Variants in MAML1 observed in about 807,000 individuals in gnomAD.
The protein encoded by MAML1 is mastermind like transcriptional coactivator 1.
A neutral mutation model predicts 77.1 loss-of-function variants in MAML1; 14 were observed. That is an observed-to-expected ratio of 0.18 (90% CI 0.12 to 0.28). The LOEUF is 0.28. MAML1 is among the 10% of genes least tolerant of loss of function. The pLI is 1.00. For synonymous variants in MAML1, 516 were observed against 551.9 expected, an observed-to-expected ratio of 0.93 and a Z score of 0.91; for missense variants, 1,217 against 1,327.8, an observed-to-expected ratio of 0.92 and a Z score of 1.30.
In MAML1 at chr5:179,738,188, TTC is replaced by T. The variant is rs1222265255; in HGVS notation, c.315+4770_315+4771del. ...TGCCCCATTTGTTATCATTTGCACATTCTCTCTCTCCCACTCTCTGCCTCTTT... is the reference window on the plus strand; with the variant it reads ...TGCCCCATTTGTTATCATTTGCACATTCTCTCTCCCACTCTCTGCCTCTTT... On this transcript the variant is annotated intron_variant, in intron 1 of 4. Transcript: ENST00000292599. Among the ~76,000 whole-genome samples, 4 of 152,026 alleles carry T rather than the reference TTC, an allele frequency of 2.6e-5. No individual in the cohort carries two copies. The East Asian group carries it at 7.7e-4, about 29-fold the overall frequency.
In MAML1 at chr5:179,774,057, A is replaced by G. The variant is rs774534440; in HGVS notation, c.2231A>G (p.Gln744Arg). Residue 744 changes from glutamine (Q) to arginine (R), a missense_variant, in exon 5 of 5, where the codon CAG becomes CGG. Physicochemically the swap from Gln to Arg is conservative, Grantham distance 43. Around this residue, in one of 3 missense-constraint regions of MAML1, gnomAD observed 884 missense variants for 949.3 expected, o/e 0.93. Transcript: ENST00000292599. ...NSGQQDRGVA[Q>R]FPGSQNMPQS... ...GGCCAACAGGACCGGGGTGTGGCTCAGTTCCCTGGCTCCCAAAACATGCCT... is the reference window on the plus strand; with the variant it reads ...GGCCAACAGGACCGGGGTGTGGCTCGGTTCCCTGGCTCCCAAAACATGCCT... The G allele has an allele frequency of 1.2e-5, 19 of 1,614,018 alleles. No individual in the cohort carries two copies. In the Admixed American group the frequency reaches 2.8e-4, roughly 24 times the overall value.
In MAML1 at chr5:179,769,707, C is replaced by A. The variant is rs1405156077; in HGVS notation, c.1971+618C>A. Among the ~76,000 whole-genome samples the A allele has an allele frequency of 6.6e-6, 1 of 152,228 alleles. No individual in the cohort carries two copies. The highest frequency in any genetic ancestry group is 2.1e-4 in the South Asian group (1 of 4,818). ...AGCTGGGACTACAGGCAAGAACCAC[C>A]ATGCCTGGCTAATTTTTGTGTTTTT... On this transcript the variant is annotated intron_variant, in intron 3 of 4. Transcript: ENST00000292599. The surrounding 1 kb of genome is among the most constrained non-coding windows in gnomAD (Gnocchi z 4.2).
chr5:179,749,551 G>C (rs1289416236), intron 1 of MAML1, among the ~76,000 whole-genome samples: 1 of 152,164 alleles, frequency 6.6e-6, no homozygotes, highest in Non-Finnish European at 1.5e-5. Context: ...CTGAGCCACT[G>C]TGCCTGGCCG....
At position 179,765,618 on chromosome 5, in the gene MAML1, A is replaced by G; in HGVS notation, c.608A>G (p.Asn203Ser). Residue 203 changes from asparagine (N) to serine (S), a missense_variant, in exon 2 of 5, where the codon AAC becomes AGC. By Grantham distance (46) the Asn-to-Ser change is conservative (BLOSUM62 1). Around this residue, in one of 3 missense-constraint regions of MAML1, gnomAD observed 312 missense variants for 331.4 expected, o/e 0.94. Transcript: ENST00000292599. ...DSSLHLNGGS[N>S]PSESFPLSLN... ...AGCCTTCACTTGAATGGAGGCAGTA[A>G]CCCCAGTGAGTCATTTCCTCTGAGC... 6.2e-7 allele frequency: 1 copy of G among 1,614,174 alleles called. No homozygotes were observed. The highest frequency in any genetic ancestry group is 8.5e-7 in the Non-Finnish European group (1 of 1,180,038).
chr5:179,753,659 T>TTA (rs1273272904), intron 1 of MAML1, among the ~76,000 whole-genome samples: 2 of 128,030 alleles, frequency 1.6e-5, no homozygotes, highest in Admixed American at 7.9e-5. Context: ...TTATTATTTT[T>TTA]TTTTTTTTTT....
At chr5:179,734,468 C>G (rs1779127883) in intron 1 of MAML1, among the ~76,000 whole-genome samples, 1 of 152,190 alleles carries the variant, frequency 6.6e-6, no homozygotes, top group Admixed American at 6.5e-5. Flanking sequence ...CACAGGTCCT[C>G]TGCTCTGGTT....
chr5:179,765,225 C>A (rs1274124123), intron 1 of MAML1, 101 bp from the exon 2 acceptor site: 1 of 989,118 alleles, frequency 1.0e-6, no homozygotes, highest in Non-Finnish European at 1.5e-6. Flanking sequence ...GCAAGCAGAA[C>A]CCACTGGCGA....
chr5:179,756,208 G>C (rs1256658010), intron 1 of MAML1, among the ~76,000 whole-genome samples: 1 of 151,334 alleles, frequency 6.6e-6, no homozygotes, highest in Non-Finnish European at 1.5e-5. Flanking sequence ...GGTGGATCAC[G>C]AGGTCAGGAG....
At chr5:179,743,137 C>T (rs1417665982) in intron 1 of MAML1, among the ~76,000 whole-genome samples, 1 of 151,190 alleles carries the variant, frequency 6.6e-6, no homozygotes, top group East Asian at 1.9e-4. Flanking sequence ...ACTGCAACCT[C>T]CACCTCCCGG....
intron 3 of MAML1, chr5:179,770,911 C>T (rs567966194): frequency 3.9e-4 from 164 of 418,006 alleles, no homozygotes; most frequent in Non-Finnish European, 6.6e-4. Context: ...TTGCATTTTC[C>T]TAACCAGCTC....
chr5:179,775,544 G>T lies in MAML1; in HGVS notation c.*667G>T, dbSNP rs1756119355. On this transcript the variant is annotated 3_prime_UTR_variant, in exon 5 of 5. Coordinates refer to ENST00000292599, the MANE Select transcript of MAML1 (RefSeq NM_014757.5). ...ATGCCAAAAAGGGACAGGAGGCATG[G>T]GATAGCAGGTCTGGTGACACAGCTA... 2.0e-6 allele frequency: 2 copies of T among 985,232 alleles called. No individual in the cohort carries two copies. The highest frequency in any genetic ancestry group is 3.5e-5 in the African/African-American group (2 of 57,188). The allele number at this position is 985,232 out of a possible 1,614,324, so 61.0% of individuals were successfully genotyped here. A position where few individuals can be genotyped will look rare whatever the true frequency, so the allele number is the denominator to read the frequency against.
chr5:179,747,411 G>A (rs889359829), intron 1 of MAML1, among the ~76,000 whole-genome samples: 14 of 152,148 alleles, frequency 9.2e-5, no homozygotes, highest in African/African-American at 3.4e-4. Flanking sequence ...CATGTTTAGG[G>A]CTTCATTGAT....
chr5:179,755,137 GT>G (rs778710509), intron 1 of MAML1, among the ~76,000 whole-genome samples: 10 of 152,246 alleles, frequency 6.6e-5, no homozygotes, highest in Admixed American at 3.3e-4. Context: ...CACATTCCAA[GT>G]TGTATAACTT....
At chr5:179,753,184 AGTGT>A (rs59680995) in intron 1 of MAML1, among the ~76,000 whole-genome samples, 16,125 of 120,236 alleles carry the variant, frequency 0.13, 910 homozygotes, top group East Asian at 0.15. Context: ...GCTATTTTTT[AGTGT>A]GTGTGTGTGT....
intron 1 of MAML1, among the ~76,000 whole-genome samples, chr5:179,753,484 G>A (rs1042213310): frequency 6.6e-6 from 1 of 152,020 alleles, no homozygotes; most frequent in African/African-American, 2.4e-5. Flanking sequence ...AAGGGAATAA[G>A]GGTGTCCAGC....
chr5:179,753,758 G>T (rs891887973), intron 1 of MAML1, among the ~76,000 whole-genome samples: 2 of 148,642 alleles, frequency 1.3e-5, no homozygotes, highest in African/African-American at 2.5e-5. Context: ...CGCCTCCCGG[G>T]CCCGGGTTCA....
chr5:179,739,738 C>T (rs1172326244), intron 1 of MAML1, among the ~76,000 whole-genome samples: 3 of 152,112 alleles, frequency 2.0e-5, no homozygotes, highest in East Asian at 1.9e-4. Flanking sequence ...TTCTATCATA[C>T]GAAGTATTGT....
chr5:179,749,640 TA>T (rs1779448606), intron 1 of MAML1, among the ~76,000 whole-genome samples: 1 of 152,092 alleles, frequency 6.6e-6, no homozygotes, highest in Non-Finnish European at 1.5e-5. Flanking sequence ...ATTGAAAGAC[TA>T]AATCATGAAA....
At chr5:179,746,251 C>G (rs572697252) in intron 1 of MAML1, among the ~76,000 whole-genome samples, 1 of 151,738 alleles carries the variant, frequency 6.6e-6, no homozygotes, top group Non-Finnish European at 1.5e-5. Flanking sequence ...GAGGCTGAGG[C>G]AGGAGAATCG....
Sources: allele counts gnomAD v4.1 joint callset (sites outside exome capture counted in the v4.1 genomes callset), GRCh38; gene constraint gnomAD v4.1.1; regional missense constraint gnomAD v4.1.1; non-coding constraint Gnocchi (gnomAD v3.1); transcripts MANE v1.5; gene names NCBI Gene and HGNC (gene_info 2026-07-23, HGNC 2026-07-21).